CCDC175: variants seen among roughly 807,000 people sequenced by gnomAD.
The protein encoded by CCDC175 is coiled-coil domain containing 175, also known as coiled-coil domain-containing protein 175.
CCDC175 carries 100 observed loss-of-function variants against 114.6 expected under a neutral mutation model. The ratio of observed to expected loss-of-function variants is 0.87; its 90% CI spans 0.74 to 1.03. The LOEUF is 1.03. Among genes scored for constraint, CCDC175 ranks in the 50% least tolerant of loss-of-function variants. The pLI is 0.00. For missense variants in CCDC175, 880 were observed against 917.8 expected (o/e 0.96, Z 0.53); for synonymous variants, 306 against 308.7 (o/e 0.99, Z 0.09).
intron 3 of CCDC175, among the ~76,000 whole-genome samples, chr14:59,571,557 T>A (rs1166578155): frequency 6.6e-6 from 1 of 152,072 alleles, no homozygotes; most frequent in African/African-American, 2.4e-5. Flanking sequence ...CAAATCACAA[T>A]AAGATACCAC....
intron 2 of CCDC175, among the ~76,000 whole-genome samples, chr14:59,573,525 G>A (rs1248756096): frequency 6.6e-6 from 1 of 151,678 alleles, no homozygotes; most frequent in African/African-American, 2.4e-5. Flanking sequence ...ATTTTAATGT[G>A]GTCCTTTTGC....
chr14:59,525,191 A>G, intron 16 of CCDC175, 91 bp downstream of exon 16: 1 of 1,021,590 alleles, frequency 9.8e-7, no homozygotes, highest in Middle Eastern at 3.4e-4. Context: ...AACATTTTTC[A>G]AGAGCTATTC....
At chr14:59,574,586 T>A (rs1435845980) in intron 2 of CCDC175, among the ~76,000 whole-genome samples, 1 of 152,226 alleles carries the variant, frequency 6.6e-6, no homozygotes, top group Non-Finnish European at 1.5e-5. Context: ...TTCCAGAGAT[T>A]GTGTGTTTGT....
intron 3 of CCDC175, among the ~76,000 whole-genome samples, chr14:59,572,199 A>C (rs771244375): frequency 1.3e-4 from 20 of 152,236 alleles, no homozygotes; most frequent in Non-Finnish European, 2.6e-4. Flanking sequence ...CAATTTGCAG[A>C]TGAATGGATA....
intron 10 of CCDC175, among the ~76,000 whole-genome samples, chr14:59,542,626 T>G (rs1316802163): frequency 1.3e-5 from 2 of 152,088 alleles, no homozygotes; most frequent in Non-Finnish European, 2.9e-5. Flanking sequence ...TAGAATACTA[T>G]GCAGTTAGAG....
rs1204295457 is a variant in CCDC175, at chr14:59,565,113, C to G, written c.654G>C (p.Glu218Asp). Residue 218 changes from glutamate (E) to aspartate (D), a missense_variant, in exon 5 of 20, where the codon GAG becomes GAC. Transcript: ENST00000537690. Reference sequence around the variant, plus strand: ...TTTCTTTTTCCATTAGCTCCTCTGCCTCTTGAATACATTTTTTTTGCAATG... The same window carrying G: ...TTTCTTTTTCCATTAGCTCCTCTGCGTCTTGAATACATTTTTTTTGCAATG... ...DIALQKKCIQ[E>D]AEELMEKERA... 1.3e-6 allele frequency: 2 copies of G among 1,537,698 alleles called. No homozygotes were observed. The highest frequency in any genetic ancestry group is 2.4e-5 in the East Asian group (1 of 40,934).
chr14:59,562,799 G>A (rs1221644979), intron 6 of CCDC175, among the ~76,000 whole-genome samples: 10 of 152,130 alleles, frequency 6.6e-5, no homozygotes, highest in Non-Finnish European at 5.9e-5. Flanking sequence ...GATAGAATAC[G>A]TTTTATATAG....
Position 59,516,118 on chromosome 14 carries a change from A to G in CCDC175, c.2099-4315T>C, listed in dbSNP as rs372025865. 1.6e-4 allele frequency among the ~76,000 whole-genome samples: 24 copies of G among 152,322 alleles called. No individual in the cohort carries two copies. The East Asian group carries it at 2.5e-3, about 16-fold the overall frequency. ...GAAATAAAGATGTTCTTTGAAACCA[A>G]TGAGAACAAAGACACGACATACCAG... On this transcript the variant is annotated intron_variant, in intron 17 of 19. Coordinates refer to ENST00000537690, the MANE Select transcript of CCDC175 (RefSeq NM_001164399.2).
At chr14:59,524,628 A>G (rs1280544584) in intron 16 of CCDC175, among the ~76,000 whole-genome samples, 1 of 152,166 alleles carries the variant, frequency 6.6e-6, no homozygotes, top group Admixed American at 6.5e-5. Flanking sequence ...GGGAGTGGCA[A>G]TTGGTGCAAC....
Position 59,511,548 on chromosome 14 carries a change from TA to T in CCDC175, c.2142+211del, listed in dbSNP as rs34490884. Among the ~76,000 whole-genome samples, 329 of 94,654 alleles carry T rather than the reference TA, an allele frequency of 3.5e-3. 5 individuals carry two copies. Among genetic ancestry groups the T allele is most frequent in the African/African-American group, 0.013 (314 of 24,366 alleles). The allele number at this position is 94,654 out of a possible 152,430, so 62.1% of individuals were successfully genotyped here. ...ATTAAGATTTCATAGTGATATTTGG[TA>T]AAAAAAAAAAAAAAAAAAGACACAT... is the stretch of plus-strand genomic sequence containing the variant. On this transcript the variant is annotated intron_variant, in intron 18 of 19. Coordinates refer to ENST00000537690, the MANE Select transcript of CCDC175 (RefSeq NM_001164399.2).
intron 17 of CCDC175, 33 bp from the exon 18 acceptor site, chr14:59,511,836 C>T: frequency 7.4e-7 from 1 of 1,359,870 alleles, no homozygotes; most frequent in Non-Finnish European, 1.0e-6. Context: ...ACAATGGTTA[C>T]TGACACAATC....
At chr14:59,511,659 C>A in intron 18 of CCDC175, 101 bp downstream of exon 18, 1 of 896,200 alleles carries the variant, frequency 1.1e-6, no homozygotes, top group Non-Finnish European at 1.7e-6. Flanking sequence ...TGCGTGCATG[C>A]AGGTGCACAC....
At chr14:59,521,460 G>A (rs1239622966) in intron 17 of CCDC175, 114 bp downstream of exon 17, 1 of 609,458 alleles carries the variant, frequency 1.6e-6, no homozygotes, top group Admixed American at 3.0e-5. Context: ...ACTTTACCTT[G>A]TGATCATGTG....
chr14:59,561,341 T>C, intron 6 of CCDC175, 113 bp from the exon 7 acceptor site: 2 of 506,334 alleles, frequency 3.9e-6, no homozygotes, highest in South Asian at 3.7e-5. Context: ...ACATTAGGAG[T>C]GTACTTCAAG....
At chr14:59,557,932 T>A (rs547280694) in intron 7 of CCDC175, among the ~76,000 whole-genome samples, 8 of 152,144 alleles carry the variant, frequency 5.3e-5, no homozygotes, top group Admixed American at 5.2e-4. Context: ...TATCAAAAAA[T>A]AAGTAATATA....
rs866593124 is a variant in CCDC175 at position 59,525,401 on chromosome 14, C to T, written c.1876G>A (p.Asp626Asn). The T allele has an allele frequency of 6.6e-7, 1 of 1,513,574 alleles. No individual in the cohort carries two copies. The highest frequency in any genetic ancestry group is 1.7e-4 in the Middle Eastern group (1 of 5,918). The allele number at this position is 1,513,574 out of a possible 1,614,324, so 93.8% of individuals were successfully genotyped here. A position where few individuals can be genotyped will look rare whatever the true frequency, so the allele number is the denominator to read the frequency against. ...TCTTTGTTTTTTTTGCTTTCTTGAT[C>T]TCGTAATTGTTGTAATTCTTGTTTT... Reference protein sequence around the residue: ...DVKQELQQLRDQESKKNKDHF... With the variant: ...DVKQELQQLRNQESKKNKDHF... Residue 626 changes from aspartate (D) to asparagine (N), a missense_variant, in exon 16 of 20, where the codon GAT (aspartate) becomes AAT (asparagine). Coordinates refer to ENST00000537690, the MANE Select transcript of CCDC175 (RefSeq NM_001164399.2).
chr14:59,567,749 ACCAGCCTCAT>A (rs2140121649), intron 4 of CCDC175, among the ~76,000 whole-genome samples: 1 of 152,294 alleles, frequency 6.6e-6, no homozygotes, highest in South Asian at 2.1e-4. Flanking sequence ...TGTCCTGGGA[ACCAGCCTCAT>A]CCTCAGTCCT....
rs971317279 is a variant in CCDC175 at position 59,563,797 on chromosome 14, T to C, written c.783A>G (p.Glu261=). 31 of 1,435,836 alleles carry C rather than the reference T, an allele frequency of 2.2e-5. No individual in the cohort carries two copies. Among genetic ancestry groups the C allele is most frequent in the Non-Finnish European group, 2.8e-5 (31 of 1,092,794 alleles). The allele number at this position is 1,435,836 out of a possible 1,614,324, so 88.9% of individuals were successfully genotyped here. A position where few individuals can be genotyped will look rare whatever the true frequency, so the allele number is the denominator to read the frequency against. Residue 261 remains glutamate (E), a synonymous_variant, in exon 6 of 20, where the codon GAA becomes GAG. Coordinates refer to ENST00000537690, the MANE Select transcript of CCDC175 (RefSeq NM_001164399.2). The part of the protein sequence containing the change: ...KRMETYQKKK[E]LDKLQTKMSK... ...ACATTTTAGTTTGTAATTTATCCAA[T>C]TCTTTCTTCTTTTGATAAGTCTCCA... is the stretch of plus-strand genomic sequence containing the variant.
intron 8 of CCDC175, among the ~76,000 whole-genome samples, 157 bp from the exon 9 acceptor site, chr14:59,545,456 C>T (rs748483162): frequency 6.6e-6 from 1 of 151,886 alleles, no homozygotes; most frequent in Non-Finnish European, 1.5e-5. Flanking sequence ...AGCAAACATA[C>T]AACTGTATAT....
Sources: allele counts gnomAD v4.1 joint callset (sites outside exome capture counted in the v4.1 genomes callset), GRCh38; gene constraint gnomAD v4.1.1; transcripts MANE v1.5; gene names NCBI Gene and HGNC (gene_info 2026-07-23, HGNC 2026-07-21).